Variants in DOCK5 observed in about 807,000 individuals in gnomAD.
DOCK5 encodes dedicator of cytokinesis protein 5.
Under a neutral mutation model 251.8 loss-of-function variants are expected in DOCK5, and 142 were observed. The observed-to-expected ratio is 0.56, with a 90% CI of 0.49 to 0.65. DOCK5 has a LOEUF of 0.65. DOCK5 is among the 30% of genes least tolerant of loss of function. DOCK5 has a pLI of 0.00. For missense variants in DOCK5, 2,111 were observed against 2,312.3 expected (o/e 0.91, Z 1.79); for synonymous variants, 842 against 835.5 (o/e 1.01, Z -0.13).
intron 22 of DOCK5, among the ~76,000 whole-genome samples, chr8:25,338,093 G>A (rs1350769557): frequency 6.6e-6 from 1 of 152,020 alleles, no homozygotes; most frequent in Non-Finnish European, 1.5e-5. Context: ...ACCCAGGCGA[G>A]AGTTCAGTGG....
chr8:25,384,463 A>ATTTATTTAT (rs1400363524), intron 40 of DOCK5, among the ~76,000 whole-genome samples: 25 of 135,702 alleles, frequency 1.8e-4, no homozygotes, highest in African/African-American at 6.3e-4. Context: ...TTATTTATTT[A>ATTTATTTAT]TTTTTTTTTT....
At chr8:25,408,213 C>A in intron 49 of DOCK5, 59 bp downstream of exon 49, 1 of 1,489,826 alleles carries the variant, frequency 6.7e-7, no homozygotes, top group Non-Finnish European at 9.0e-7. Flanking sequence ...CTCCCCTGTA[C>A]CCAGGCATAT....
chr8:25,390,090 A>T (rs1387341602), intron 41 of DOCK5, 116 bp from the exon 42 acceptor site: 1 of 735,236 alleles, frequency 1.4e-6, no homozygotes, highest in East Asian at 2.9e-5. Flanking sequence ...ATTGGGGTCA[A>T]AGGGAGTGAT....
intron 25 of DOCK5, among the ~76,000 whole-genome samples, chr8:25,343,503 A>G (rs945679128): frequency 1.3e-5 from 2 of 152,230 alleles, no homozygotes; most frequent in Non-Finnish European, 2.9e-5. Context: ...AATTAGAACA[A>G]TCTGCAAGTG....
intron 5 of DOCK5, among the ~76,000 whole-genome samples, chr8:25,285,688 C>T (rs1267813993): frequency 3.3e-5 from 5 of 152,130 alleles, no homozygotes; most frequent in South Asian, 2.1e-4. Flanking sequence ...CTCTTTGAAC[C>T]GGTGGTTATT....
chr8:25,244,299 C>T (rs774561398), intron 2 of DOCK5, among the ~76,000 whole-genome samples: 3 of 152,174 alleles, frequency 2.0e-5, no homozygotes, highest in African/African-American at 4.8e-5. Flanking sequence ...TAGTGGGCTG[C>T]GGGGCAGTAC....
At chr8:25,213,631 G>A (rs1802158459) in intron 1 of DOCK5, among the ~76,000 whole-genome samples, 2 of 152,068 alleles carry the variant, frequency 1.3e-5, no homozygotes, top group Non-Finnish European at 2.9e-5. Context: ...TAGCCTTCAG[G>A]GAGGAATGAA....
chr8:25,323,968 ATGGCTG>A lies in DOCK5; in HGVS notation c.1719+18_1719+23del. The A allele has an allele frequency of 6.3e-7, 1 of 1,589,502 alleles. No homozygotes were observed. Among genetic ancestry groups the A allele is most frequent in the African/African-American group, 1.3e-5 (1 of 74,428 alleles). On this transcript the variant is annotated intron_variant, in intron 17 of 51. Coordinates refer to ENST00000276440, the MANE Select transcript of DOCK5 (RefSeq NM_024940.8). Reference sequence around the variant, plus strand: ...GTTTATAAGGTGGTGCTAACAGAAAATGGCTGAGAAAAATACTCCCTTTCAAATGAG... The same window carrying A: ...GTTTATAAGGTGGTGCTAACAGAAAAAGAAAAATACTCCCTTTCAAATGAG...
Position 25,219,398 on chromosome 8 carries a change from G to A in DOCK5, c.44-24276G>A, listed in dbSNP as rs553677743. 5.9e-5 allele frequency among the ~76,000 whole-genome samples: 9 copies of A among 151,914 alleles called. No homozygotes were observed. In the South Asian group the frequency reaches 8.3e-4, roughly 14 times the overall value. On this transcript the variant is annotated intron_variant, in intron 1 of 51. Transcript: ENST00000276440. ...CTGTTAATTTCAATCTGGCATAGTC[G>A]CTCTTTATATCTCTGTCCATGGCTA...
At chr8:25,287,309 C>G (rs1023798890) in intron 5 of DOCK5, among the ~76,000 whole-genome samples, 1 of 151,968 alleles carries the variant, frequency 6.6e-6, no homozygotes, top group African/African-American at 2.4e-5. Context: ...GCCTGTGATC[C>G]CAGCTACTTG....
At chr8:25,263,652 C>T (rs1284927037) in intron 2 of DOCK5, among the ~76,000 whole-genome samples, 1 of 151,642 alleles carries the variant, frequency 6.6e-6, no homozygotes, top group Non-Finnish European at 1.5e-5. Flanking sequence ...GAGGCCAGTG[C>T]ACCACCCCCA....
At chr8:25,237,089 G>A (rs768227557) in intron 1 of DOCK5, among the ~76,000 whole-genome samples, 4 of 152,050 alleles carry the variant, frequency 2.6e-5, no homozygotes, top group Non-Finnish European at 4.4e-5. Flanking sequence ...TTACTTGGCC[G>A]GACTGGATGT....
At chr8:25,296,745 T>G in intron 7 of DOCK5, 97 bp downstream of exon 7, 1 of 1,452,542 alleles carries the variant, frequency 6.9e-7, no homozygotes, top group Non-Finnish European at 9.3e-7. Flanking sequence ...CAAAACTACT[T>G]CTGTAGTTTT....
chr8:25,259,628 T>TA (rs869222973), intron 2 of DOCK5, among the ~76,000 whole-genome samples: 7 of 152,072 alleles, frequency 4.6e-5, no homozygotes, highest in African/African-American at 1.7e-4. Flanking sequence ...CTGGCTGATT[T>TA]AAAAAAAATT....
intron 1 of DOCK5, among the ~76,000 whole-genome samples, chr8:25,220,896 G>A (rs1265562790): frequency 3.9e-5 from 6 of 152,078 alleles, no homozygotes; most frequent in Admixed American, 2.6e-4. Flanking sequence ...GAGCCACTGC[G>A]CCTGGCCTCT....
intron 34 of DOCK5, among the ~76,000 whole-genome samples, chr8:25,371,702 TG>T (rs1217333558): frequency 6.6e-6 from 1 of 152,228 alleles, no homozygotes; most frequent in Non-Finnish European, 1.5e-5. Flanking sequence ...TATTTATACA[TG>T]ATATGCTACT....
chr8:25,316,681 C>A (rs900485447), intron 13 of DOCK5, among the ~76,000 whole-genome samples: 3 of 152,188 alleles, frequency 2.0e-5, no homozygotes, highest in Non-Finnish European at 2.9e-5. Context: ...ATATCACACT[C>A]TCCAAGGCAC....
chr8:25,313,980 T>C (rs1298300205), intron 13 of DOCK5, among the ~76,000 whole-genome samples: 2 of 152,122 alleles, frequency 1.3e-5, no homozygotes, highest in Admixed American at 1.3e-4. Flanking sequence ...GTTTTCTCCC[T>C]AGGGGTATCA....
intron 22 of DOCK5, among the ~76,000 whole-genome samples, chr8:25,338,153 A>G (rs1053662732): frequency 2.6e-5 from 4 of 151,564 alleles, no homozygotes; most frequent in African/African-American, 9.7e-5. Flanking sequence ...GCGATCCTCC[A>G]ACCTTAGCCC....
Sources: allele counts gnomAD v4.1 joint callset (sites outside exome capture counted in the v4.1 genomes callset), GRCh38; gene constraint gnomAD v4.1.1; transcripts MANE v1.5; gene names NCBI Gene and HGNC (gene_info 2026-07-23, HGNC 2026-07-21).